Variants in GRID1 observed in about 807,000 individuals in gnomAD.
GRID1 encodes glutamate ionotropic receptor delta type subunit 1.
Under a neutral mutation model 98.0 loss-of-function variants are expected in GRID1, and 28 were observed. The observed-to-expected ratio is 0.29, with a 90% CI of 0.21 to 0.39. GRID1 has a LOEUF of 0.39. GRID1 is among the 10% of genes least tolerant of loss of function. The probability of loss-of-function intolerance (pLI) is 1.00; values close to 1 mark genes in which losing one functional copy is unlikely to be tolerated. For synonymous variants in GRID1, 553 were observed against 538.5 expected (o/e 1.03, Z -0.37); for missense variants, 1,111 against 1,340.5 (o/e 0.83, Z 2.67).
chr10:86,306,399 C>T (rs115848193), intron 2 of GRID1, among the ~76,000 whole-genome samples: 1 of 152,174 alleles, frequency 6.6e-6, no homozygotes, highest in Admixed American at 6.5e-5. Context: ...AGCTTCCTCC[C>T]AGTGATTTAA....
At chr10:86,062,299 T>G (rs1843660693) in intron 4 of GRID1, among the ~76,000 whole-genome samples, 1 of 151,810 alleles carries the variant, frequency 6.6e-6, no homozygotes, top group Admixed American at 6.6e-5. Flanking sequence ...CACGCACACT[T>G]AAGATGAGGG....
intron 8 of GRID1, among the ~76,000 whole-genome samples, chr10:85,828,503 G>A (rs1009025431): frequency 6.6e-6 from 1 of 151,854 alleles, no homozygotes. Context: ...ACAAATCCAG[G>A]AGTTCATTAT....
chr10:85,801,115 ATAT>A (rs1191986368), intron 8 of GRID1, among the ~76,000 whole-genome samples: 1 of 152,082 alleles, frequency 6.6e-6, no homozygotes, highest in Non-Finnish European at 1.5e-5. Flanking sequence ...ATATGAGAGA[ATAT>A]TATTAATTCC....
chr10:86,138,884 G>A lies in GRID1; in HGVS notation c.661C>T (p.Arg221Trp), dbSNP rs201655919. The A allele has an allele frequency of 6.8e-6, 11 of 1,614,188 alleles. No homozygotes were observed. Among genetic ancestry groups the A allele is most frequent in the Admixed American group, 5.0e-5 (3 of 60,026 alleles). Residue 221 changes from arginine (R) to tryptophan (W), a missense_variant, in exon 4 of 16, where the codon CGG becomes TGG. Physicochemically the swap from Arg to Trp is moderately radical, Grantham distance 101. Around this residue, in one of 3 missense-constraint regions of GRID1, gnomAD observed 346 missense variants for 452.3 expected, o/e 0.76. Transcript: ENST00000327946. ...AGGATGGCGCGGCGAAGCGTGTCCC[G>A]GTAGCGATTCAGCTCCTCTGTCTTC... Reference protein sequence around the residue: ...TMKTEELNRYRDTLRRAILLL... With the variant: ...TMKTEELNRYWDTLRRAILLL...
At chr10:85,767,047 T>C (rs1438659180) in intron 8 of GRID1, among the ~76,000 whole-genome samples, 1 of 152,132 alleles carries the variant, frequency 6.6e-6, no homozygotes, top group African/African-American at 2.4e-5. Context: ...ACGTCTGTCA[T>C]TGTCAAATTC....
intron 2 of GRID1, among the ~76,000 whole-genome samples, chr10:86,238,454 G>T (rs1338119137): frequency 6.6e-6 from 1 of 152,164 alleles, no homozygotes; most frequent in Non-Finnish European, 1.5e-5. Flanking sequence ...GAGGTCAAGA[G>T]ATTGAGACCA....
chr10:85,702,419 T>C (rs1274659503), intron 12 of GRID1, among the ~76,000 whole-genome samples: 1 of 152,108 alleles, frequency 6.6e-6, no homozygotes, highest in African/African-American at 2.4e-5. Flanking sequence ...TCAGAGAATG[T>C]GACAGATGTG....
chr10:85,867,500 G>T (rs1843233409), intron 6 of GRID1, among the ~76,000 whole-genome samples: 1 of 152,128 alleles, frequency 6.6e-6, no homozygotes, highest in Admixed American at 6.5e-5. Context: ...CACTCCCTGA[G>T]CCCCATTGTT....
intron 8 of GRID1, among the ~76,000 whole-genome samples, chr10:85,791,514 C>T (rs1024990784): frequency 6.6e-6 from 1 of 152,176 alleles, no homozygotes; most frequent in African/African-American, 2.4e-5. Flanking sequence ...CCCAGTCCCT[C>T]CCTACACTTT....
chr10:86,157,034 G>T (rs1414713915), intron 3 of GRID1, among the ~76,000 whole-genome samples: 1 of 152,132 alleles, frequency 6.6e-6, no homozygotes, highest in East Asian at 1.9e-4. Context: ...GATGGAGAGA[G>T]GGGAAGAAAA....
intron 2 of GRID1, among the ~76,000 whole-genome samples, chr10:86,273,024 T>C (rs1847209140): frequency 6.6e-6 from 1 of 152,126 alleles, no homozygotes; most frequent in Non-Finnish European, 1.5e-5. Flanking sequence ...AACTCAACAT[T>C]TAGCATTAGG....
chr10:86,181,626 T>C (rs1845656864), intron 3 of GRID1, among the ~76,000 whole-genome samples: 1 of 152,128 alleles, frequency 6.6e-6, no homozygotes, highest in Non-Finnish European at 1.5e-5. Flanking sequence ...TTTAGGCATA[T>C]GGTGAAAAGT....
At chr10:85,708,113 T>TAAAAAAAAAA (rs768805148) in intron 12 of GRID1, among the ~76,000 whole-genome samples, 3 of 120,928 alleles carry the variant, frequency 2.5e-5, no homozygotes, top group Non-Finnish European at 3.7e-5. Flanking sequence ...TAAAGTATAA[T>TAAAAAAAAAA]AAAAAAAAAA....
At chr10:85,877,338 C>G (rs1006414612) in intron 5 of GRID1, among the ~76,000 whole-genome samples, 1 of 152,252 alleles carries the variant, frequency 6.6e-6, no homozygotes, top group Non-Finnish European at 1.5e-5. Flanking sequence ...AGCAGCCTAA[C>G]TGGGAGGCAC....
chr10:85,652,854 C>T (rs1268664267), intron 12 of GRID1, among the ~76,000 whole-genome samples: 1 of 152,198 alleles, frequency 6.6e-6, no homozygotes, highest in Non-Finnish European at 1.5e-5. Flanking sequence ...ACCCTATTTC[C>T]TGTGCATCTG....
At chr10:86,261,975 C>T (rs1440788591) in intron 2 of GRID1, among the ~76,000 whole-genome samples, 1 of 152,210 alleles carries the variant, frequency 6.6e-6, no homozygotes, top group Non-Finnish European at 1.5e-5. Context: ...ACTCTTCATG[C>T]CAGTCTCACA....
At chr10:86,116,689 T>C (rs1844586549) in intron 4 of GRID1, among the ~76,000 whole-genome samples, 1 of 151,992 alleles carries the variant, frequency 6.6e-6, no homozygotes, top group Admixed American at 6.6e-5. Context: ...TTTAATTAAG[T>C]TAAATCAAAT....
At chr10:85,694,912 A>G (rs1215573039) in intron 12 of GRID1, among the ~76,000 whole-genome samples, 1 of 152,014 alleles carries the variant, frequency 6.6e-6, no homozygotes, top group Non-Finnish European at 1.5e-5. Context: ...TCACCACTAC[A>G]CAAGATAGCC....
At chr10:85,722,751 T>C (rs1038104021) in intron 12 of GRID1, among the ~76,000 whole-genome samples, 6 of 152,224 alleles carry the variant, frequency 3.9e-5, no homozygotes, top group Non-Finnish European at 8.8e-5. Context: ...ATTTGTTAAT[T>C]GATTTCTTAG....
Sources: gnomAD v4.1 joint callset for allele counts (sites outside exome capture counted in the v4.1 genomes callset) on GRCh38, gnomAD v4.1.1 for gene constraint, gnomAD v4.1.1 regional missense constraint, MANE v1.5 for transcripts, NCBI Gene and HGNC (gene_info 2026-07-23, HGNC 2026-07-21) for gene names.